The following SCCPDH variants were observed in gnomAD, a reference collection of about 807,000 sequenced individuals.
SCCPDH encodes the protein saccharopine dehydrogenase (putative).
A neutral mutation model predicts 51.5 loss-of-function variants in SCCPDH; 34 were observed. The observed-to-expected ratio is 0.66, with a 90% CI of 0.50 to 0.88. The LOEUF (loss-of-function observed/expected upper bound fraction) is 0.88. Ranked by LOEUF, SCCPDH falls within the 40% of genes least tolerant of loss-of-function variation. The pLI, the probability that SCCPDH is intolerant of heterozygous loss-of-function variation, is 0.00. For missense variants in SCCPDH, 464 were observed against 527.1 expected (o/e 0.88, Z 1.17); for synonymous variants, 187 against 191.3 (o/e 0.98, Z 0.19).
chr1:246,757,362 AAAAG>A (rs1179224415), intron 5 of SCCPDH, among the ~76,000 whole-genome samples: 3 of 151,332 alleles, frequency 2.0e-5, no homozygotes, highest in Non-Finnish European at 4.4e-5. Context: ...AAAAAAAAAA[AAAAG>A]GGCCAGCGCT....
intron 6 of SCCPDH, 109 bp from the exon 7 acceptor site, chr1:246,758,925 A>T: frequency 1.3e-6 from 1 of 767,616 alleles, no homozygotes; most frequent in African/African-American, 1.7e-5. Context: ...AAGTGCTGGG[A>T]TTACAGGCAT....
chr1:246,759,255 G>A, intron 7 of SCCPDH, 104 bp downstream of exon 7: 1 of 689,466 alleles, frequency 1.5e-6, no homozygotes, highest in South Asian at 1.7e-5. Flanking sequence ...GAAGAGCTAA[G>A]TAATACATGT....
intron 1 of SCCPDH, among the ~76,000 whole-genome samples, chr1:246,725,812 T>C (rs535091033): frequency 6.6e-6 from 1 of 152,274 alleles, no homozygotes; most frequent in East Asian, 1.9e-4. Flanking sequence ...CAAATCAAGT[T>C]TCATTGTGGG....
intron 5 of SCCPDH, among the ~76,000 whole-genome samples, chr1:246,756,791 A>C (rs1668938967): frequency 6.6e-6 from 1 of 152,224 alleles, no homozygotes; most frequent in African/African-American, 2.4e-5. Flanking sequence ...GGAAAACCTG[A>C]ATCTTTGGAT....
At chr1:246,726,137 G>A (rs920166493) in intron 1 of SCCPDH, among the ~76,000 whole-genome samples, 3 of 152,174 alleles carry the variant, frequency 2.0e-5, no homozygotes, top group East Asian at 1.9e-4. Flanking sequence ...GATTACAGGC[G>A]TGAGCCACTG....
intron 9 of SCCPDH, among the ~76,000 whole-genome samples, chr1:246,761,784 A>C (rs543908093): frequency 1.3e-5 from 2 of 150,650 alleles, no homozygotes; most frequent in East Asian, 3.9e-4. Flanking sequence ...TTGTGTATCC[A>C]TTCATTCATC....
chr1:246,744,330 AT>A (rs1668724909), intron 5 of SCCPDH, among the ~76,000 whole-genome samples: 5 of 151,606 alleles, frequency 3.3e-5, no homozygotes, highest in African/African-American at 9.7e-5. Context: ...TTATTTATTT[AT>A]TTTTGAGATG....
At chr1:246,763,429 G>A (rs1003636140) in intron 9 of SCCPDH, among the ~76,000 whole-genome samples, 1 of 152,156 alleles carries the variant, frequency 6.6e-6, no homozygotes, top group East Asian at 1.9e-4. Context: ...GAAAGGCTAT[G>A]CTACTGCATC....
intron 2 of SCCPDH, 30 bp from the exon 3 acceptor site, chr1:246,735,945 A>G (rs192736670): frequency 1.4e-6 from 2 of 1,446,480 alleles, no homozygotes; most frequent in Admixed American, 1.7e-5. Flanking sequence ...TCAAGCAAGA[A>G]TAACCTCTTT....
At chr1:246,737,841 A>T (rs1316409009) in intron 3 of SCCPDH, among the ~76,000 whole-genome samples, 1 of 152,010 alleles carries the variant, frequency 6.6e-6, no homozygotes, top group Non-Finnish European at 1.5e-5. Context: ...ATCCACCTGC[A>T]TCGGCCTCCC....
Position 246,767,561 on chromosome 1 carries a change from C to T in SCCPDH, c.*261C>T, listed in dbSNP as rs371076952. On this transcript the variant is annotated 3_prime_UTR_variant, in exon 12 of 12. Coordinates refer to ENST00000366510, the MANE Select transcript of SCCPDH (RefSeq NM_016002.3). Reference sequence around the variant, plus strand: ...TTGATGTGTTCCTGGTAGATTTTCACGAATGAGCTGGCAGGTCTAATGGGG... The same window carrying T: ...TTGATGTGTTCCTGGTAGATTTTCATGAATGAGCTGGCAGGTCTAATGGGG... 1.5e-5 allele frequency: 3 copies of T among 206,750 alleles called. No homozygotes were observed. The highest frequency in any genetic ancestry group is 2.9e-5 in the Non-Finnish European group (3 of 103,726). The allele number at this position is 206,750 out of a possible 1,614,324, so 12.8% of individuals were successfully genotyped here.
chr1:246,764,888 T>C (rs1433396362), intron 10 of SCCPDH, among the ~76,000 whole-genome samples: 2 of 152,170 alleles, frequency 1.3e-5, no homozygotes, highest in African/African-American at 4.8e-5. Flanking sequence ...TGAACTGTGG[T>C]ATAATTACTG....
In SCCPDH at chr1:246,733,401, A is replaced by T. The variant is rs567291859; in HGVS notation, c.304-2574A>T. On this transcript the variant is annotated intron_variant, in intron 2 of 11. Coordinates refer to ENST00000366510, the MANE Select transcript of SCCPDH (RefSeq NM_016002.3). ...TGTGCCTGGCCATGTGTTTATATAT[A>T]TATGCCATATATATATAGTCCTTAT... is the stretch of plus-strand genomic sequence containing the variant. Among the ~76,000 whole-genome samples, 3 of 151,414 alleles carry T rather than the reference A, an allele frequency of 2.0e-5. No homozygotes were observed. In the South Asian group the frequency reaches 6.2e-4, roughly 31 times the overall value.
chr1:246,755,262 G>T (rs1472628760), intron 5 of SCCPDH, among the ~76,000 whole-genome samples: 2 of 152,062 alleles, frequency 1.3e-5, no homozygotes, highest in Non-Finnish European at 2.9e-5. Context: ...TCACAAACAG[G>T]TTTTTTTGTT....
intron 10 of SCCPDH, 90 bp downstream of exon 10, chr1:246,764,447 T>G: frequency 1.6e-6 from 1 of 610,958 alleles, no homozygotes; most frequent in South Asian, 3.1e-5. Flanking sequence ...TTTTTAAAGC[T>G]TAATTGTTTT....
At chr1:246,727,783 TG>T (rs1558165568) in intron 2 of SCCPDH, among the ~76,000 whole-genome samples, 1 of 152,044 alleles carries the variant, frequency 6.6e-6, no homozygotes, top group South Asian at 2.1e-4. Flanking sequence ...CTGAAGAGTG[TG>T]ACAGAGGCCA....
At chr1:246,753,206 G>A (rs934870648) in intron 5 of SCCPDH, among the ~76,000 whole-genome samples, 9 of 151,940 alleles carry the variant, frequency 5.9e-5, no homozygotes, top group African/African-American at 2.2e-4. Flanking sequence ...TTCTTTACAG[G>A]TTCTGGCCCC....
At chr1:246,750,449 A>G (rs1395281674) in intron 5 of SCCPDH, among the ~76,000 whole-genome samples, 7 of 152,192 alleles carry the variant, frequency 4.6e-5, no homozygotes, top group Non-Finnish European at 8.8e-5. Flanking sequence ...AGGCAGGGCA[A>G]TGGGATGGCA....
At chr1:246,729,494 G>A (rs1668457560) in intron 2 of SCCPDH, among the ~76,000 whole-genome samples, 1 of 152,212 alleles carries the variant, frequency 6.6e-6, no homozygotes, top group Non-Finnish European at 1.5e-5. Flanking sequence ...CTTTCTGCAA[G>A]AAGAGAAATA....
Sources: allele counts gnomAD v4.1 joint callset (sites outside exome capture counted in the v4.1 genomes callset), GRCh38; gene constraint gnomAD v4.1.1; transcripts MANE v1.5; gene names NCBI Gene and HGNC (gene_info 2026-07-23, HGNC 2026-07-21).